Variants in MIF4GD observed in about 807,000 individuals in gnomAD.
MIF4GD encodes MIF4G domain containing.
MIF4GD carries 22 observed loss-of-function variants against 26.7 expected under a neutral mutation model. The observed-to-expected ratio is 0.82, with a 90% CI of 0.59 to 1.18. MIF4GD has a LOEUF of 1.18. MIF4GD is among the 50% of genes most tolerant of loss of function. The probability of loss-of-function intolerance (pLI) is 0.00; values close to 1 mark genes in which losing one functional copy is unlikely to be tolerated. For synonymous variants in MIF4GD, 137 were observed against 111.6 expected (o/e 1.23, Z -1.43); for missense variants, 262 against 279.6 (o/e 0.94, Z 0.45).
In MIF4GD at chr17:75,267,569, G is replaced by A; in HGVS notation, c.410C>T (p.Ala137Val). 1 of 1,614,192 alleles carries A rather than the reference G, an allele frequency of 6.2e-7. No individual in the cohort carries two copies. Among genetic ancestry groups the A allele is most frequent in the Non-Finnish European group, 8.5e-7 (1 of 1,180,034 alleles). Residue 137 changes from alanine (A) to valine (V), a missense_variant, in exon 5 of 6, where the codon GCC becomes GTC. Transcript: ENST00000325102. ...NPVYDCLFRL[A>V]QPDSLSKEEE... ...CTCCTTGCTCAAACTGTCTGGCTGG[G>A]CCAGCCGGAAGAGGCAGTCATAGAC...
In MIF4GD at chr17:75,266,347, A is replaced by G; in HGVS notation, c.*393T>C. 2.8e-6 allele frequency: 1 copy of G among 361,388 alleles called. No individual in the cohort carries two copies. Among genetic ancestry groups the G allele is most frequent in the Non-Finnish European group, 5.2e-6 (1 of 192,234 alleles). The allele number at this position is 361,388 out of a possible 1,614,324, so 22.4% of individuals were successfully genotyped here. A position where few individuals can be genotyped will look rare whatever the true frequency, so the allele number is the denominator to read the frequency against. ...CTTGTTTCCAGAGTTGTCCTTATAC[A>G]AAATGTATAAAAAGCAGTTTCTGGT... is the stretch of plus-strand genomic sequence containing the variant. On this transcript the variant is annotated 3_prime_UTR_variant, in exon 6 of 6. Coordinates refer to ENST00000325102, the MANE Select transcript of MIF4GD (RefSeq NM_001370592.1).
At chr17:75,269,321 T>C (rs367628116) in intron 2 of MIF4GD, 169 of 1,612,144 alleles carry the variant, frequency 1.0e-4, no homozygotes, top group Non-Finnish European at 1.4e-4. Flanking sequence ...ATGATGGGTG[T>C]TGCTAATTAT....
At position 75,270,783 on chromosome 17, in the gene MIF4GD, C is replaced by T. The variant is rs1377351084; in HGVS notation, c.-51+361G>A. Reference sequence around the variant, plus strand: ...CCTGCGTGGGTGGGGACGCAGGCGCCCTGTCCGCCGCCCCTGCCGGGAGCA... The same window carrying T: ...CCTGCGTGGGTGGGGACGCAGGCGCTCTGTCCGCCGCCCCTGCCGGGAGCA... On this transcript the variant is annotated intron_variant, in intron 1 of 5. Transcript: ENST00000325102. The surrounding 1 kb of genome is among the most constrained non-coding windows in gnomAD (Gnocchi z 5.7). 2.0e-5 allele frequency among the ~76,000 whole-genome samples: 3 copies of T among 152,214 alleles called. No homozygotes were observed. Among genetic ancestry groups the T allele is most frequent in the Non-Finnish European group, 4.4e-5 (3 of 68,026 alleles).
intron 2 of MIF4GD, among the ~76,000 whole-genome samples, chr17:75,269,007 A>T (rs1211211591): frequency 6.6e-6 from 1 of 152,186 alleles, no homozygotes; most frequent in Non-Finnish European, 1.5e-5. Flanking sequence ...TGTCTCAAAA[A>T]AAAAAAAGGG....
chr17:75,268,606 AGGTTGC>A (rs1229841028), intron 2 of MIF4GD, among the ~76,000 whole-genome samples: 35 of 148,090 alleles, frequency 2.4e-4, no homozygotes, highest in African/African-American at 8.5e-4. Flanking sequence ...TGGGAGGCGG[AGGTTGC>A]AGTGAGCCGA....
rs1031666524 is a variant in MIF4GD at position 75,270,525 on chromosome 17, G to A, written c.-50-280C>T. On this transcript the variant is annotated intron_variant, in intron 1 of 5. Coordinates refer to ENST00000325102, the MANE Select transcript of MIF4GD (RefSeq NM_001370592.1). This position sits in a 1 kb window ranked among gnomAD's most constrained non-coding sequence, Gnocchi z 5.7. ...GCCCACCCTCCAGTCCCAGCAGGAG[G>A]CAGGAGTAGACTGGGGCAGGGTGTG... is the stretch of plus-strand genomic sequence containing the variant. The A allele has an allele frequency of 1.4e-4, 45 of 313,626 alleles. No homozygotes were observed. The highest frequency in any genetic ancestry group is 2.6e-4 in the Non-Finnish European group (42 of 162,338). 19.4% of individuals were successfully genotyped at this position (313,626 alleles called of 1,614,324 possible).
At chr17:75,269,547 ACTTTTTTTTTT>A in intron 2 of MIF4GD, 1 of 766,078 alleles carries the variant, frequency 1.3e-6, no homozygotes. Context: ...TTATGGTTAA[ACTTTTTTTTTT>A]TTTTTTTTTT....
intron 2 of MIF4GD, 96 bp from the exon 3 acceptor site, chr17:75,268,288 T>C (rs1041055707): frequency 2.2e-6 from 2 of 913,762 alleles, no homozygotes; most frequent in Middle Eastern, 2.1e-4. Context: ...AGTAGAGCAC[T>C]CATATGCTTG....
In MIF4GD at chr17:75,270,072, C is replaced by G. The variant is rs377054886; in HGVS notation, c.82+42G>C. The G allele has an allele frequency of 6.3e-7, 1 of 1,583,278 alleles. No individual in the cohort carries two copies. On this transcript the variant is annotated intron_variant, in intron 2 of 5. Coordinates refer to ENST00000325102, the MANE Select transcript of MIF4GD (RefSeq NM_001370592.1). This position sits in a 1 kb window ranked among gnomAD's most constrained non-coding sequence, Gnocchi z 5.7. ...TGGTGCTGCCCACAGGGGCCCTTCT[C>G]TGTAGCTCCTGACCCCAGCTCAGGA...
chr17:75,269,476 C>A, intron 2 of MIF4GD: 1 of 1,610,712 alleles, frequency 6.2e-7, no homozygotes, highest in Non-Finnish European at 8.5e-7. Context: ...GGGGCTATGG[C>A]AGCACAGAAA....
rs1255580881 is a variant in MIF4GD, at chr17:75,271,058, C to A, written c.-51+86G>T. ...GGCCGTTCCCCCCGCGCCCGGAACG[C>A]CCCTCCCGGAGGCACAGGGCGGGCT... On this transcript the variant is annotated intron_variant, in intron 1 of 5. Coordinates refer to ENST00000325102, the MANE Select transcript of MIF4GD (RefSeq NM_001370592.1). The surrounding 1 kb of genome is among the most constrained non-coding windows in gnomAD (Gnocchi z 4.2). 3 of 151,828 alleles carry A rather than the reference C, an allele frequency of 2.0e-5. No homozygotes were observed. The East Asian group carries it at 5.8e-4, about 29-fold the overall frequency. 9.4% of individuals were successfully genotyped at this position (151,828 alleles called of 1,614,324 possible). A position where few individuals can be genotyped will look rare whatever the true frequency, so the allele number is the denominator to read the frequency against.
chr17:75,270,553 C>T lies in MIF4GD; in HGVS notation c.-50-308G>A, dbSNP rs1371320863. The T allele has an allele frequency of 1.2e-5, 3 of 245,396 alleles. No individual in the cohort carries two copies. Among genetic ancestry groups the T allele is most frequent in the Non-Finnish European group, 2.4e-5 (3 of 123,404 alleles). The allele number at this position is 245,396 out of a possible 1,614,324, so 15.2% of individuals were successfully genotyped here. On this transcript the variant is annotated intron_variant, in intron 1 of 5. Transcript: ENST00000325102. The surrounding 1 kb of genome is among the most constrained non-coding windows in gnomAD (Gnocchi z 5.7). ...GGAGTAGACTGGGGCAGGGTGTGTG[C>T]GGGCGGACGTTACAGTTGCTTAAAT... is the stretch of plus-strand genomic sequence containing the variant.
chr17:75,266,937 C>G lies in MIF4GD; in HGVS notation c.472G>C (p.Val158Leu), dbSNP rs200401392. 1.3e-5 allele frequency: 21 copies of G among 1,613,954 alleles called. No individual in the cohort carries two copies. Among genetic ancestry groups the G allele is most frequent in the South Asian group, 3.3e-5 (3 of 91,072 alleles). The stretch of plus-strand genomic sequence containing the variant: ...TTCATTTTCTCCAGCTGCTCCCCAA[C>G]CCGGTGCAGCTGCAGCACCAAACAG... ...VDCLVLQLHR[V>L]GEQLEKMNGQ... The change falls in exon 6 of 6, where the codon GTT (valine) becomes CTT (leucine). Residue 158 changes from valine (V) to leucine (L), a missense_variant. Coordinates refer to ENST00000325102, the MANE Select transcript of MIF4GD (RefSeq NM_001370592.1).
intron 5 of MIF4GD, 112 bp downstream of exon 5, chr17:75,267,426 C>T (rs749665582): frequency 3.5e-5 from 38 of 1,072,340 alleles, no homozygotes; most frequent in Admixed American, 1.9e-5. Flanking sequence ...AGTCCTGCCC[C>T]AGAAGTGACA....
rs374923796 is a variant in MIF4GD at position 75,267,857 on chromosome 17, G to C, written c.237C>G (p.Leu79=). ...GGTACTCCTGCTGCAGCCGGTTGAG[G>C]AGTCCACGTCGGAAGACACTCTGGC... ...QAGQSVFRRG[L]LNRLQQEYQA... is the part of the protein sequence containing the mutation. Residue 79 remains leucine (L), a synonymous_variant, in exon 4 of 6, where the codon CTC becomes CTG. Coordinates refer to ENST00000325102, the MANE Select transcript of MIF4GD (RefSeq NM_001370592.1). 2 of 1,613,920 alleles carry C rather than the reference G, an allele frequency of 1.2e-6. No homozygotes were observed. Among genetic ancestry groups the C allele is most frequent in the Non-Finnish European group, 1.7e-6 (2 of 1,179,996 alleles).
At chr17:75,268,539 G>A (rs1047594692) in intron 2 of MIF4GD, among the ~76,000 whole-genome samples, 2 of 151,678 alleles carry the variant, frequency 1.3e-5, no homozygotes, top group South Asian at 2.1e-4. Context: ...TGGCTCGTGC[G>A]TCATCTCATG....
At chr17:75,268,032 T>C (rs369853135) in intron 3 of MIF4GD, 51 bp downstream of exon 3, 3 of 1,606,930 alleles carry the variant, frequency 1.9e-6, no homozygotes, top group Admixed American at 1.7e-5. Flanking sequence ...TTCTGCCCAC[T>C]CCTGAAGCAC....
Position 75,267,826 on chromosome 17 carries a change from G to T in MIF4GD, c.268C>A (p.Arg90=), listed in dbSNP as rs965190458. The change falls in exon 4 of 6, where the codon CGG becomes AGG. Residue 90 remains arginine, a synonymous_variant. Coordinates refer to ENST00000325102, the MANE Select transcript of MIF4GD (RefSeq NM_001370592.1). The part of the protein sequence containing the change: ...LNRLQQEYQA[R]EQLRARSLQG... ...AGGGAGCGTGCTCGCAGCTGCTCCC[G>T]AGCCTGGTACTCCTGCTGCAGCCGG... The T allele has an allele frequency of 9.9e-6, 16 of 1,613,914 alleles. No individual in the cohort carries two copies. Among genetic ancestry groups the T allele is most frequent in the Middle Eastern group, 1.6e-4 (1 of 6,080 alleles).
At chr17:75,269,454 C>A in intron 2 of MIF4GD, 1 of 1,613,170 alleles carries the variant, frequency 6.2e-7, no homozygotes, top group Non-Finnish European at 8.5e-7. Context: ...GGCAACTGTG[C>A]ATTCAAGAGA....
Sources: gnomAD v4.1 joint callset for allele counts (sites outside exome capture counted in the v4.1 genomes callset) on GRCh38, gnomAD v4.1.1 for gene constraint, Gnocchi (gnomAD v3.1) non-coding constraint, MANE v1.5 for transcripts, NCBI Gene and HGNC (gene_info 2026-07-23, HGNC 2026-07-21) for gene names.